CTTNBP2: variants seen among roughly 807,000 people sequenced by gnomAD.
The protein encoded by CTTNBP2 is cortactin-binding protein 2.
A neutral mutation model predicts 156.9 loss-of-function variants in CTTNBP2; 108 were observed. The ratio of observed to expected loss-of-function variants is 0.69; its 90% CI spans 0.59 to 0.81. CTTNBP2 has a LOEUF of 0.81. Among genes scored for constraint, CTTNBP2 ranks in the 30% least tolerant of loss-of-function variants. CTTNBP2 has a pLI of 0.00. For missense variants in CTTNBP2, 1,924 were observed against 2,035.4 expected (o/e 0.95, Z 1.05); for synonymous variants, 767 against 751.8 (o/e 1.02, Z -0.33).
chr7:117,742,689 G>A (rs1471041574), intron 14 of CTTNBP2, among the ~76,000 whole-genome samples: 2 of 152,200 alleles, frequency 1.3e-5, no homozygotes, highest in Non-Finnish European at 2.9e-5. Flanking sequence ...AGGATGTGAC[G>A]ATGGACTGTG....
chr7:117,844,188 G>A (rs367988617), intron 2 of CTTNBP2, among the ~76,000 whole-genome samples: 3 of 152,262 alleles, frequency 2.0e-5, no homozygotes, highest in East Asian at 3.9e-4. Flanking sequence ...GAAAAGACAA[G>A]GAAATGGATC....
At chr7:117,822,884 G>A (rs573131533) in intron 2 of CTTNBP2, among the ~76,000 whole-genome samples, 1 of 152,146 alleles carries the variant, frequency 6.6e-6, no homozygotes, top group Admixed American at 6.5e-5. Flanking sequence ...TGTTTTCTAT[G>A]TTTTTACTGA....
chr7:117,721,723 C>T (rs760204249), intron 19 of CTTNBP2, among the ~76,000 whole-genome samples: 14 of 152,136 alleles, frequency 9.2e-5, no homozygotes, highest in Non-Finnish European at 1.3e-4. Flanking sequence ...CAGATTATGA[C>T]ACAGTTAAAA....
intron 2 of CTTNBP2, among the ~76,000 whole-genome samples, chr7:117,835,769 A>G (rs1039893998): frequency 6.6e-6 from 1 of 152,198 alleles, no homozygotes; most frequent in Non-Finnish European, 1.5e-5. Flanking sequence ...AAGGATGCAG[A>G]GCCACATAAT....
chr7:117,765,952 TCA>T (rs1231780792), intron 9 of CTTNBP2, among the ~76,000 whole-genome samples: 1 of 152,170 alleles, frequency 6.6e-6, no homozygotes, highest in Non-Finnish European at 1.5e-5. Flanking sequence ...CCACCTCTAA[TCA>T]CACCTCTATC....
chr7:117,767,764 TC>T (rs1399996466), intron 8 of CTTNBP2, among the ~76,000 whole-genome samples: 1 of 152,244 alleles, frequency 6.6e-6, no homozygotes, highest in Non-Finnish European at 1.5e-5. Context: ...ATGCTACCTT[TC>T]CTTTTCAGCT....
chr7:117,862,575 G>A (rs940228351), intron 1 of CTTNBP2, among the ~76,000 whole-genome samples: 1 of 152,106 alleles, frequency 6.6e-6, no homozygotes, highest in Admixed American at 6.5e-5. Flanking sequence ...GAGTCCAAAG[G>A]CTGAGATCCT....
chr7:117,845,518 AAG>A (rs1372272975), intron 2 of CTTNBP2, among the ~76,000 whole-genome samples: 1 of 152,174 alleles, frequency 6.6e-6, no homozygotes, highest in Non-Finnish European at 1.5e-5. Flanking sequence ...AATTAAAAAA[AAG>A]GATATCTTAA....
At chr7:117,801,763 G>T (rs1219191133) in intron 3 of CTTNBP2, among the ~76,000 whole-genome samples, 1 of 151,834 alleles carries the variant, frequency 6.6e-6, no homozygotes, top group Non-Finnish European at 1.5e-5. Context: ...AAAGGAGAAG[G>T]AAAAAATAAA....
intron 10 of CTTNBP2, among the ~76,000 whole-genome samples, chr7:117,759,927 GCTGT>G (rs1562979812): frequency 1.3e-5 from 2 of 152,184 alleles, no homozygotes; most frequent in Non-Finnish European, 2.9e-5. Flanking sequence ...TCTGTTTTGT[GCTGT>G]CTATCAAATT....
Position 117,782,857 on chromosome 7 carries a change from C to G in CTTNBP2, c.2372+5G>C. The G allele has an allele frequency of 6.2e-7, 1 of 1,605,678 alleles. No individual in the cohort carries two copies. Among genetic ancestry groups the G allele is most frequent in the Non-Finnish European group, 8.5e-7 (1 of 1,175,140 alleles). ...GTGGGAAAAAAAGAATTAAGAGCAA[C>G]TTACTCGAAATGTCCCTGAGCAGCT... On this transcript the variant is annotated splice_donor_5th_base_variant and intron_variant, in intron 6 of 22. Transcript: ENST00000160373.
rs779212076 is a variant in CTTNBP2 at position 117,791,746 on chromosome 7, C to T, written c.1450G>A (p.Ala484Thr). Residue 484 changes from alanine (A) to threonine (T), a missense_variant, in exon 4 of 23, where the codon GCC (alanine) becomes ACC (threonine). Physicochemically the swap from Ala to Thr is moderately conservative, Grantham distance 58. Coordinates refer to ENST00000160373, the MANE Select transcript of CTTNBP2 (RefSeq NM_033427.3). ...ACAGTATTCCGAGCTAGTTGTTTGG[C>T]CACTAGGTTGTCACGACTTGTAGGC... ...VSPTSRDNLV[A>T]KQLARNTVTQ... 3.1e-6 allele frequency: 5 copies of T among 1,614,038 alleles called. No homozygotes were observed. The highest frequency in any genetic ancestry group is 4.2e-6 in the Non-Finnish European group (5 of 1,180,040).
chr7:117,817,239 C>T (rs1445130382), intron 2 of CTTNBP2, among the ~76,000 whole-genome samples: 1 of 148,092 alleles, frequency 6.8e-6, no homozygotes, highest in Admixed American at 6.8e-5. Context: ...GAGGCTGAGG[C>T]AGGAGAATGG....
chr7:117,756,780 C>G, intron 11 of CTTNBP2, 146 bp from the exon 12 acceptor site: 2 of 663,280 alleles, frequency 3.0e-6, no homozygotes, highest in Non-Finnish European at 5.5e-6. Flanking sequence ...CACCAATGTG[C>G]CTTTCTGTTG....
At chr7:117,849,695 A>C (rs981482632) in intron 2 of CTTNBP2, among the ~76,000 whole-genome samples, 1 of 152,082 alleles carries the variant, frequency 6.6e-6, no homozygotes, top group African/African-American at 2.4e-5. Context: ...TCATTGTTCT[A>C]TTCATTAAGG....
chr7:117,766,982 A>G (rs771002075), intron 9 of CTTNBP2, 77 bp downstream of exon 9: 1 of 830,800 alleles, frequency 1.2e-6, no homozygotes, highest in Non-Finnish European at 2.1e-6. Flanking sequence ...CAAAAGATGT[A>G]AATAGTTTTT....
chr7:117,774,077 G>A (rs980900354), intron 8 of CTTNBP2, among the ~76,000 whole-genome samples: 6 of 152,208 alleles, frequency 3.9e-5, no homozygotes, highest in Non-Finnish European at 7.4e-5. Context: ...AGGAAGTTTC[G>A]TTAAGAAACT....
At chr7:117,737,744 T>C (rs911161730) in intron 14 of CTTNBP2, among the ~76,000 whole-genome samples, 1 of 151,600 alleles carries the variant, frequency 6.6e-6, no homozygotes, top group Non-Finnish European at 1.5e-5. Flanking sequence ...AAATACAAAA[T>C]TTTTTTTTGT....
At chr7:117,759,930 G>A (rs774171094) in intron 10 of CTTNBP2, among the ~76,000 whole-genome samples, 26 of 152,160 alleles carry the variant, frequency 1.7e-4, no homozygotes, top group Non-Finnish European at 3.7e-4. Flanking sequence ...GTTTTGTGCT[G>A]TCTATCAAAT....
Sources: gnomAD v4.1 joint callset for allele counts (sites outside exome capture counted in the v4.1 genomes callset) on GRCh38, gnomAD v4.1.1 for gene constraint, MANE v1.5 for transcripts, NCBI Gene and HGNC (gene_info 2026-07-23, HGNC 2026-07-21) for gene names.